DNAH14: variants seen among roughly 807,000 people sequenced by gnomAD.
The protein encoded by DNAH14 is dynein axonemal heavy chain 14, also known as axonemal beta dynein heavy chain 14.
Under a neutral mutation model 520.9 loss-of-function variants are expected in DNAH14, and 478 were observed. The ratio of observed to expected loss-of-function variants is 0.92; its 90% CI spans 0.85 to 0.99. The LOEUF is 0.99. Among genes scored for constraint, DNAH14 ranks in the 50% least tolerant of loss-of-function variants. DNAH14 has a pLI of 0.00. For missense variants in DNAH14, 4,831 were observed against 5,234.5 expected (o/e 0.92, Z 2.38); for synonymous variants, 1,581 against 1,757.2 (o/e 0.90, Z 2.51).
intron 81 of DNAH14, among the ~76,000 whole-genome samples, chr1:225,384,963 G>C (rs976078656): frequency 6.6e-6 from 1 of 152,140 alleles, no homozygotes; most frequent in African/African-American, 2.4e-5. Flanking sequence ...AATGAACATA[G>C]ATGCAAAAAT....
intron 36 of DNAH14, among the ~76,000 whole-genome samples, chr1:225,179,528 C>T (rs2083724946): frequency 6.6e-6 from 1 of 152,208 alleles, no homozygotes; most frequent in Non-Finnish European, 1.5e-5. Context: ...CACCTTCCAA[C>T]TTGTGGATAT....
At chr1:225,168,512 C>A (rs12403778) in intron 36 of DNAH14, among the ~76,000 whole-genome samples, 17,394 of 152,234 alleles carry the variant, frequency 0.11, 1,187 homozygotes, top group East Asian at 0.31. Context: ...TATCCAGTGC[C>A]TGGCTTGGAG....
intron 55 of DNAH14, among the ~76,000 whole-genome samples, chr1:225,292,594 T>C (rs2093917377): frequency 6.6e-6 from 1 of 152,174 alleles, no homozygotes; most frequent in Admixed American, 6.6e-5. Flanking sequence ...TATTTTGTGG[T>C]TCTATTTGAA....
intron 55 of DNAH14, among the ~76,000 whole-genome samples, chr1:225,292,757 C>T (rs1331219941): frequency 2.6e-5 from 4 of 151,886 alleles, no homozygotes; most frequent in African/African-American, 9.7e-5. Context: ...TTTGTTTGTA[C>T]CCTGTTCAGT....
At chr1:225,078,843 C>A (rs10915772) in intron 17 of DNAH14, among the ~76,000 whole-genome samples, 6 of 52,120 alleles carry the variant, frequency 1.2e-4, no homozygotes, top group African/African-American at 8.2e-5. Context: ...TCTCTCTCTC[C>A]CTCTCTCTCT....
chr1:225,054,892 C>G (rs1440943209), intron 17 of DNAH14, among the ~76,000 whole-genome samples: 1 of 152,008 alleles, frequency 6.6e-6, no homozygotes, highest in Admixed American at 6.6e-5. Context: ...TGTTTTATAA[C>G]TCAGTTAATA....
At chr1:225,365,562 A>C (rs192847716) in intron 76 of DNAH14, among the ~76,000 whole-genome samples, 1 of 152,290 alleles carries the variant, frequency 6.6e-6, no homozygotes, top group African/African-American at 2.4e-5. Context: ...TTCCTGCCAC[A>C]CTGCTTCTCA....
rs758410387 is a variant in DNAH14, at chr1:224,955,027, C to A, written c.146C>A (p.Ala49Glu). The change falls in exon 3 of 86, where the codon GCA (alanine) becomes GAA (glutamate). Residue 49 changes from alanine (A) to glutamate (E), a missense_variant. Transcript: ENST00000682510. ...TTAGAGACTCAACCAGCTGAAATAG[C>A]AGAAAAGGAAACATTGGAATATAAA... ...KPLETQPAEI[A>E]EKETLEYKTV... is the part of the protein sequence containing the mutation. The A allele has an allele frequency of 4.3e-6, 7 of 1,610,756 alleles. No homozygotes were observed. The South Asian group carries it at 6.6e-5, about 15-fold the overall frequency.
rs533865512 is a variant in DNAH14 at position 225,313,612 on chromosome 1, C to A, written c.9241-4971C>A. Among the ~76,000 whole-genome samples the A allele has an allele frequency of 1.3e-5, 2 of 152,256 alleles. 1 individual carries two copies. The highest frequency in any genetic ancestry group is 4.1e-4 in the South Asian group (2 of 4,830). On this transcript the variant is annotated intron_variant, in intron 60 of 85. Coordinates refer to ENST00000682510, the MANE Select transcript of DNAH14 (RefSeq NM_001367479.1). ...ACTTTCCCTCTAAACACTGCTATAG[C>A]TGTGTCCCAGAGATTCCGGTACGTT...
rs581675 is a variant in DNAH14 at position 225,276,070 on chromosome 1, A to G, written c.8167A>G (p.Ile2723Val). 0.13 allele frequency: 43,716 copies of G among 347,566 alleles called. 3,207 individuals carry two copies. The highest frequency in any genetic ancestry group is 0.31 in the East Asian group (3,479 of 11,374). 21.5% of individuals were successfully genotyped at this position (347,566 alleles called of 1,614,324 possible). Reference sequence around the variant, plus strand: ...TGAATTCCAAATGAAGTTGGGTTCAATTTCTTTGGAGGTAAACATATATAC... The same window carrying G: ...TGAATTCCAAATGAAGTTGGGTTCAGTTTCTTTGGAGGTAAACATATATAC... Reference protein sequence around the residue: ...LDEFQMKLGSISLELSHSMVF... With the variant: ...LDEFQMKLGSVSLELSHSMVF... The change falls in exon 53 of 86, where the codon ATT becomes GTT. Residue 2723 changes from isoleucine to valine, a missense_variant. Transcript: ENST00000682510.
At chr1:225,245,374 G>A (rs1365207146) in intron 43 of DNAH14, among the ~76,000 whole-genome samples, 2 of 152,158 alleles carry the variant, frequency 1.3e-5, no homozygotes, top group African/African-American at 4.8e-5. Flanking sequence ...TTGGTCCAGA[G>A]CTGAGTTCAA....
intron 37 of DNAH14, among the ~76,000 whole-genome samples, chr1:225,187,620 G>C (rs1004617429): frequency 6.6e-6 from 1 of 151,780 alleles, no homozygotes; most frequent in African/African-American, 2.4e-5. Context: ...AATGTATGAG[G>C]CTTTCTGTTT....
chr1:225,092,614 G>A (rs2074496725), intron 21 of DNAH14, among the ~76,000 whole-genome samples: 1 of 151,740 alleles, frequency 6.6e-6, no homozygotes, highest in Non-Finnish European at 1.5e-5. Context: ...CACAACTAGA[G>A]GAATTAGAGA....
chr1:225,339,649 G>A (rs2095138533), intron 68 of DNAH14, among the ~76,000 whole-genome samples: 1 of 152,228 alleles, frequency 6.6e-6, no homozygotes, highest in African/African-American at 2.4e-5. Context: ...TGTTAGGAAT[G>A]TGTGTTGAGA....
intron 27 of DNAH14, among the ~76,000 whole-genome samples, chr1:225,125,838 T>G (rs1423605843): frequency 6.6e-6 from 1 of 152,212 alleles, no homozygotes; most frequent in Non-Finnish European, 1.5e-5. Flanking sequence ...CCTTCCTTAT[T>G]AAGCTTAATC....
At position 225,051,658 on chromosome 1, in the gene DNAH14, G is replaced by A; in HGVS notation, c.2287G>A (p.Glu763Lys). 6.4e-7 allele frequency: 1 copy of A among 1,551,136 alleles called. No individual in the cohort carries two copies. Reference protein sequence around the residue: ...YFRHIVNMAIEKRIGIFNVVS... With the variant: ...YFRHIVNMAIKKRIGIFNVVS... ...TAGACATATTGTGAATATGGCCATT[G>A]AGAAGCGTATTGGTATTTTCAACGT... The change falls in exon 17 of 86, where the codon GAG (glutamate) becomes AAG (lysine). Residue 763 changes from glutamate (E) to lysine (K), a missense_variant. Transcript: ENST00000682510.
At chr1:225,390,247 A>G (rs2095890583) in intron 83 of DNAH14, among the ~76,000 whole-genome samples, 1 of 152,198 alleles carries the variant, frequency 6.6e-6, no homozygotes, top group Non-Finnish European at 1.5e-5. Flanking sequence ...AGCTTCAGCC[A>G]TTCATTCATT....
chr1:225,147,149 A>C lies in DNAH14; in HGVS notation c.4840A>C (p.Ser1614Arg). 6.5e-7 allele frequency: 1 copy of C among 1,550,106 alleles called. No homozygotes were observed. Among genetic ancestry groups the C allele is most frequent in the Non-Finnish European group, 8.7e-7 (1 of 1,146,446 alleles). Residue 1614 changes from serine (S) to arginine (R), a missense_variant, in exon 31 of 86, where the codon AGT becomes CGT. Physicochemically the swap from Ser to Arg is moderately radical, Grantham distance 110 (BLOSUM62 -1). Transcript: ENST00000682510. ...FFGLVQSGAW[S>R]CFDEFNLIDL... ...TGGACTAGTTCAGTCAGGAGCATGG[A>C]GTTGTTTTGATGAATTCAATCTAAT...
At chr1:225,319,679 C>A (rs2094526449) in intron 61 of DNAH14, among the ~76,000 whole-genome samples, 1 of 152,116 alleles carries the variant, frequency 6.6e-6, no homozygotes, top group Admixed American at 6.5e-5. Context: ...CTTATGCACT[C>A]AATTCAGCAA....
Sources: gnomAD v4.1 joint callset for allele counts (sites outside exome capture counted in the v4.1 genomes callset) on GRCh38, gnomAD v4.1.1 for gene constraint, MANE v1.5 for transcripts, NCBI Gene and HGNC (gene_info 2026-07-23, HGNC 2026-07-21) for gene names.